ADGRL3: variants seen among roughly 807,000 people sequenced by gnomAD.
ADGRL3 encodes the protein adhesion G protein-coupled receptor L3, also known as calcium-independent alpha-latrotoxin receptor 3.
A neutral mutation model predicts 153.5 loss-of-function variants in ADGRL3; 62 were observed. The observed-to-expected ratio is 0.40, with a 90% CI of 0.33 to 0.50. ADGRL3 has a LOEUF of 0.50. Among genes scored for constraint, ADGRL3 ranks in the 20% least tolerant of loss-of-function variants. ADGRL3 has a pLI of 0.47. For synonymous variants in ADGRL3, 710 were observed against 672.5 expected (o/e 1.06, Z -0.86); for missense variants, 1,641 against 1,859.4 (o/e 0.88, Z 2.16).
At position 61,509,683 on chromosome 4, in the gene ADGRL3, T is replaced by G. The variant is rs887232548; in HGVS notation, c.56-7632T>G. 8.5e-5 allele frequency among the ~76,000 whole-genome samples: 13 copies of G among 152,110 alleles called. 1 individual carries two copies. Among genetic ancestry groups the G allele is most frequent in the African/African-American group, 3.1e-4 (13 of 41,440 alleles). ...AGTCTACCATTGATGAGCACTTGGG[T>G]TGATTCCATGTCTTTGCAATTATAA... is the stretch of plus-strand genomic sequence containing the variant. On this transcript the variant is annotated intron_variant, in intron 3 of 26. Coordinates refer to ENST00000683033, the MANE Select transcript of ADGRL3 (RefSeq NM_001387552.1).
intron 2 of ADGRL3, among the ~76,000 whole-genome samples, chr4:61,460,442 A>G (rs1247319481): frequency 2.0e-5 from 3 of 152,150 alleles, no homozygotes; most frequent in Non-Finnish European, 2.9e-5. Flanking sequence ...GAAATAAGCC[A>G]AGCACACCAA....
chr4:61,312,256 C>G (rs761803899), intron 1 of ADGRL3, among the ~76,000 whole-genome samples: 28 of 152,056 alleles, frequency 1.8e-4, no homozygotes, highest in Non-Finnish European at 4.0e-4. Flanking sequence ...TACCTTACAC[C>G]TTTTGCAAAA....
intron 1 of ADGRL3, among the ~76,000 whole-genome samples, chr4:61,336,586 G>A (rs2095679727): frequency 6.6e-6 from 1 of 152,098 alleles, no homozygotes; most frequent in African/African-American, 2.4e-5. Flanking sequence ...CGTGTGAGGG[G>A]TAGGGTGGTG....
At position 61,892,809 on chromosome 4, in the gene ADGRL3, T is replaced by A; in HGVS notation, c.1634T>A (p.Leu545His). ...TSTPSPAVEVLDDMTTHLPSA... is the reference protein window; with the variant it reads ...TSTPSPAVEVHDDMTTHLPSA... ...ACCCCATCTCCAGCTGTCGAGGTAC[T>A]TGATGACATGACCACACACCTTCCA... The change falls in exon 10 of 27, where the codon CTT (leucine) becomes CAT (histidine). Residue 545 changes from leucine (L) to histidine (H), a missense_variant. This residue lies in a region of ADGRL3 where 734 missense variants were observed against 797.0 expected (regional missense o/e 0.92). Transcript: ENST00000683033. 6.2e-7 allele frequency: 1 copy of A among 1,613,874 alleles called. No individual in the cohort carries two copies. Among genetic ancestry groups the A allele is most frequent in the South Asian group, 1.1e-5 (1 of 91,074 alleles).
intron 5 of ADGRL3, among the ~76,000 whole-genome samples, chr4:61,646,280 C>T (rs2093979771): frequency 6.6e-6 from 1 of 152,218 alleles, no homozygotes; most frequent in South Asian, 2.1e-4. Flanking sequence ...CTTCTTCTCT[C>T]AGCTCGTCAA....
intron 1 of ADGRL3, among the ~76,000 whole-genome samples, chr4:61,323,984 G>A (rs1006557401): frequency 6.6e-6 from 1 of 152,212 alleles, no homozygotes; most frequent in African/African-American, 2.4e-5. Flanking sequence ...GGCTGAGGAG[G>A]CCTCATAATC....
chr4:61,827,806 C>T (rs1043973690), intron 9 of ADGRL3, among the ~76,000 whole-genome samples: 1 of 152,142 alleles, frequency 6.6e-6, no homozygotes, highest in Admixed American at 6.5e-5. Context: ...AAGGGCAATT[C>T]ATGTTCAGAC....
intron 21 of ADGRL3, among the ~76,000 whole-genome samples, chr4:62,008,710 T>A (rs1300673812): frequency 6.6e-6 from 1 of 151,466 alleles, no homozygotes; most frequent in Non-Finnish European, 1.5e-5. Flanking sequence ...TCTATTTATA[T>A]CTATATGTAT....
At chr4:61,220,847 G>T (rs936058813) in intron 1 of ADGRL3, among the ~76,000 whole-genome samples, 1 of 152,130 alleles carries the variant, frequency 6.6e-6, no homozygotes, top group Non-Finnish European at 1.5e-5. Context: ...TTACAGCAGC[G>T]TCAGATAAGC....
chr4:61,716,078 T>C (rs1002678522), intron 6 of ADGRL3, among the ~76,000 whole-genome samples: 23 of 152,148 alleles, frequency 1.5e-4, no homozygotes, highest in African/African-American at 5.1e-4. Flanking sequence ...ATTTTATTTT[T>C]ATTTGCTCAA....
At chr4:61,470,549 C>T (rs573035502) in intron 2 of ADGRL3, among the ~76,000 whole-genome samples, 5 of 151,844 alleles carry the variant, frequency 3.3e-5, no homozygotes, top group Admixed American at 1.3e-4. Context: ...ATAAGTACTC[C>T]TTGTTTTAAA....
intron 4 of ADGRL3, among the ~76,000 whole-genome samples, chr4:61,570,007 T>G (rs763173753): frequency 2.0e-5 from 3 of 152,316 alleles, no homozygotes; most frequent in African/African-American, 7.2e-5. Flanking sequence ...TGGATTGTTT[T>G]GATTTTTGGG....
intron 2 of ADGRL3, among the ~76,000 whole-genome samples, chr4:61,431,540 G>A (rs1017237648): frequency 6.6e-6 from 1 of 152,148 alleles, no homozygotes; most frequent in African/African-American, 2.4e-5. Flanking sequence ...AAATATTTTT[G>A]TTGATAGAAT....
intron 3 of ADGRL3, among the ~76,000 whole-genome samples, chr4:61,497,663 C>T (rs759518884): frequency 2.9e-4 from 43 of 149,418 alleles, no homozygotes; most frequent in Non-Finnish European, 5.6e-4. Context: ...CTACAGGCGC[C>T]CACCACCACG....
intron 21 of ADGRL3, among the ~76,000 whole-genome samples, chr4:61,998,815 G>T (rs1051240129): frequency 6.6e-6 from 1 of 152,008 alleles, no homozygotes; most frequent in Admixed American, 6.6e-5. Context: ...GACCTCAGAT[G>T]ATCTGCCTGC....
chr4:61,530,308 A>G (rs894241369), intron 4 of ADGRL3, among the ~76,000 whole-genome samples: 31 of 151,860 alleles, frequency 2.0e-4, no homozygotes, highest in Non-Finnish European at 1.5e-5. Flanking sequence ...AGGTACAACT[A>G]TATGGTCTTT....
chr4:61,735,965 T>G (rs1430758012), intron 8 of ADGRL3, among the ~76,000 whole-genome samples: 4 of 152,070 alleles, frequency 2.6e-5, no homozygotes, highest in Non-Finnish European at 4.4e-5. Flanking sequence ...GTTTAAAAAC[T>G]TGCCAAAAAT....
intron 11 of ADGRL3, among the ~76,000 whole-genome samples, chr4:61,905,139 T>C (rs1241136429): frequency 6.6e-6 from 1 of 152,204 alleles, no homozygotes; most frequent in Non-Finnish European, 1.5e-5. Flanking sequence ...AATGTCCCTT[T>C]GGAACATTAT....
intron 1 of ADGRL3, among the ~76,000 whole-genome samples, chr4:61,221,225 G>A (rs1036147433): frequency 6.6e-6 from 1 of 152,056 alleles, no homozygotes; most frequent in Non-Finnish European, 1.5e-5. Context: ...CAAATGTATT[G>A]GATATTATGA....
Sources: gnomAD v4.1 joint callset for allele counts (sites outside exome capture counted in the v4.1 genomes callset) on GRCh38, gnomAD v4.1.1 for gene constraint, gnomAD v4.1.1 regional missense constraint, MANE v1.5 for transcripts, NCBI Gene and HGNC (gene_info 2026-07-23, HGNC 2026-07-21) for gene names.